RCL1: variants seen among roughly 807,000 people sequenced by gnomAD.
The protein encoded by RCL1 is RNA 3'-terminal phosphate cyclase-like protein.
Under a neutral mutation model 42.4 loss-of-function variants are expected in RCL1, and 24 were observed. That is an observed-to-expected ratio of 0.57 (90% CI 0.41 to 0.80). RCL1 has a LOEUF of 0.80. Among genes scored for constraint, RCL1 ranks in the 30% least tolerant of loss-of-function variants. The pLI, the probability that RCL1 is intolerant of heterozygous loss-of-function variation, is 0.00. For missense variants in RCL1, 578 were observed against 467.9 expected (o/e 1.24, Z -2.17); for synonymous variants, 228 against 177.3 (o/e 1.29, Z -2.27).
intron 8 of RCL1, among the ~76,000 whole-genome samples, chr9:4,858,792 A>T (rs1017552926): frequency 2.0e-5 from 3 of 152,120 alleles, no homozygotes; most frequent in African/African-American, 7.2e-5. Context: ...GGCTGGTTTG[A>T]TTGGGAGACA....
At chr9:4,841,431 C>G in intron 6 of RCL1, 74 bp downstream of exon 6, 2 of 1,232,650 alleles carry the variant, frequency 1.6e-6, no homozygotes, top group South Asian at 1.3e-5. Flanking sequence ...TTAAAACTGC[C>G]AGCTCTGAGG....
intron 3 of RCL1, among the ~76,000 whole-genome samples, chr9:4,832,725 T>C (rs576497462): frequency 1.0e-3 from 154 of 149,904 alleles, no homozygotes; most frequent in African/African-American, 3.7e-3. Context: ...GGAGAATCGC[T>C]TGAACCTGGG....
In RCL1 at chr9:4,816,273, T is replaced by C. The variant is rs1204519476; in HGVS notation, c.137-7275T>C. 3.3e-5 allele frequency among the ~76,000 whole-genome samples: 5 copies of C among 152,376 alleles called. No homozygotes were observed. The South Asian group carries it at 6.2e-4, about 19-fold the overall frequency. ...GGATTGCACATATGTTATTCCACTC[T>C]GACTTGTCTTTTGACACTTTCAGTG... is the stretch of plus-strand genomic sequence containing the variant. On this transcript the variant is annotated intron_variant, in intron 1 of 8. Coordinates refer to ENST00000381750, the MANE Select transcript of RCL1 (RefSeq NM_005772.5).
intron 8 of RCL1, among the ~76,000 whole-genome samples, chr9:4,857,538 G>A (rs576775754): frequency 2.6e-4 from 40 of 152,172 alleles, no homozygotes; most frequent in African/African-American, 9.2e-4. Context: ...TTGCTTCTAC[G>A]TTTTGACTCT....
chr9:4,854,371 A>C (rs1587736561), intron 8 of RCL1, among the ~76,000 whole-genome samples: 2 of 152,230 alleles, frequency 1.3e-5, no homozygotes, highest in African/African-American at 4.8e-5. Context: ...TAATGACTAT[A>C]GGGACTCCAT....
chr9:4,845,481 T>C (rs1587727777), intron 7 of RCL1, among the ~76,000 whole-genome samples: 1 of 152,264 alleles, frequency 6.6e-6, no homozygotes, highest in East Asian at 1.9e-4. Context: ...TTCCTCAAAA[T>C]AGGTGAGGTG....
intron 6 of RCL1, among the ~76,000 whole-genome samples, chr9:4,844,173 G>A (rs182243658): frequency 5.9e-5 from 9 of 152,160 alleles, no homozygotes; most frequent in Non-Finnish European, 1.0e-4. Flanking sequence ...TTGTGTGAGC[G>A]TGTGTTGAGT....
intron 7 of RCL1, among the ~76,000 whole-genome samples, chr9:4,846,894 C>CTTTTTTT (rs113376831): frequency 1.3e-5 from 2 of 148,606 alleles, no homozygotes; most frequent in African/African-American, 2.5e-5. Context: ...TAATATTTTT[C>CTTTTTTT]TTTTTTTTTT....
At chr9:4,812,244 C>T (rs1354873058) in intron 1 of RCL1, among the ~76,000 whole-genome samples, 1 of 152,114 alleles carries the variant, frequency 6.6e-6, no homozygotes, top group African/African-American at 2.4e-5. Flanking sequence ...AGGTCTTCTC[C>T]AGAAAATGTT....
At chr9:4,817,989 C>T (rs979934165) in intron 1 of RCL1, among the ~76,000 whole-genome samples, 2 of 136,136 alleles carry the variant, frequency 1.5e-5, no homozygotes, top group Admixed American at 8.2e-5. Context: ...GGTGCAATCT[C>T]GTCTCACTGC....
intron 1 of RCL1, among the ~76,000 whole-genome samples, chr9:4,822,542 G>C (rs1320233028): frequency 6.6e-6 from 1 of 152,078 alleles, no homozygotes; most frequent in Non-Finnish European, 1.5e-5. Context: ...TTTTGCCCAG[G>C]CTTGGTGGCT....
At chr9:4,804,679 T>C (rs930392437) in intron 1 of RCL1, 1 of 164,436 alleles carries the variant, frequency 6.1e-6, no homozygotes, top group Non-Finnish European at 1.3e-5. Flanking sequence ...CTGGCCTGCA[T>C]GGCTAGTCAA....
chr9:4,818,149 GACCTCAGGTGATCC>G (rs1052966602), intron 1 of RCL1, among the ~76,000 whole-genome samples: 3 of 151,768 alleles, frequency 2.0e-5, no homozygotes, highest in Admixed American at 2.0e-4. Flanking sequence ...TTGAACTCCT[GACCTCAGGTGATCC>G]ACCCGCCTCG....
chr9:4,851,705 A>G (rs1450916614), intron 8 of RCL1, among the ~76,000 whole-genome samples: 2 of 149,902 alleles, frequency 1.3e-5, no homozygotes, highest in Admixed American at 6.7e-5. Context: ...TCAGATTTCT[A>G]AAGAAAACCA....
intron 1 of RCL1, among the ~76,000 whole-genome samples, chr9:4,796,316 A>G (rs1842913367): frequency 6.6e-6 from 1 of 152,176 alleles, no homozygotes; most frequent in South Asian, 2.1e-4. Flanking sequence ...CCCACTTATA[A>G]GTAAGAACAT....
chr9:4,793,003 C>G lies in RCL1; in HGVS notation c.-89C>G. Reference sequence around the variant, plus strand: ...GCCCGAGCCGCCGCCGTCGGTGTCGCCGCCACCACCACCATCGGAGTCACG... The same window carrying G: ...GCCCGAGCCGCCGCCGTCGGTGTCGGCGCCACCACCACCATCGGAGTCACG... On this transcript the variant is annotated 5_prime_UTR_variant, in exon 1 of 9. Transcript: ENST00000381750. 6.9e-7 allele frequency: 1 copy of G among 1,445,678 alleles called. No individual in the cohort carries two copies. Among genetic ancestry groups the G allele is most frequent in the Non-Finnish European group, 9.3e-7 (1 of 1,078,670 alleles). 89.6% of individuals were successfully genotyped at this position (1,445,678 alleles called of 1,614,324 possible).
chr9:4,853,242 G>A (rs908952668), intron 8 of RCL1, among the ~76,000 whole-genome samples: 3 of 152,020 alleles, frequency 2.0e-5, no homozygotes, highest in Admixed American at 1.3e-4. Context: ...GTCAAGTTAC[G>A]TGCCCAGGGT....
intron 1 of RCL1, among the ~76,000 whole-genome samples, chr9:4,820,665 TA>T (rs775906687): frequency 2.0e-5 from 3 of 152,244 alleles, no homozygotes; most frequent in Non-Finnish European, 4.4e-5. Context: ...CTATCCCATT[TA>T]GACACTTAGA....
intron 5 of RCL1, among the ~76,000 whole-genome samples, chr9:4,835,635 A>G (rs1398713231): frequency 6.6e-6 from 1 of 152,218 alleles, no homozygotes; most frequent in Admixed American, 6.5e-5. Flanking sequence ...GTGTTTTTGT[A>G]GGTTGTTAAT....
Sources: allele counts gnomAD v4.1 joint callset (sites outside exome capture counted in the v4.1 genomes callset), GRCh38; gene constraint gnomAD v4.1.1; transcripts MANE v1.5; gene names NCBI Gene and HGNC (gene_info 2026-07-23, HGNC 2026-07-21).